The following PRKCE variants were observed in gnomAD, a reference collection of about 807,000 sequenced individuals.
PRKCE encodes protein kinase C epsilon.
PRKCE carries 16 observed loss-of-function variants against 85.4 expected under a neutral mutation model. The observed-to-expected ratio is 0.19, with a 90% confidence interval of 0.13 to 0.28. PRKCE has a LOEUF of 0.28. Among genes scored for constraint, PRKCE ranks in the 10% least tolerant of loss-of-function variants. PRKCE has a pLI of 1.00. For missense variants in PRKCE, 573 were observed against 975.2 expected (o/e 0.59, Z 5.49); for synonymous variants, 388 against 371.5 (o/e 1.04, Z -0.51).
intron 14 of PRKCE, among the ~76,000 whole-genome samples, chr2:46,179,342 C>G (rs1302560192): frequency 1.3e-5 from 2 of 152,090 alleles, no homozygotes; most frequent in African/African-American, 2.4e-5. Context: ...CGCTGCCTGC[C>G]TACCTCTGCC....
At chr2:46,122,156 G>A (rs1007945350) in intron 11 of PRKCE, among the ~76,000 whole-genome samples, 1 of 152,188 alleles carries the variant, frequency 6.6e-6, no homozygotes, top group Non-Finnish European at 1.5e-5. Flanking sequence ...TGCCCGGAGA[G>A]GTAGCCACCA....
At chr2:46,057,879 A>G (rs745773856) in intron 10 of PRKCE, among the ~76,000 whole-genome samples, 4 of 152,172 alleles carry the variant, frequency 2.6e-5, no homozygotes, top group Non-Finnish European at 5.9e-5. Flanking sequence ...TTGTGAAAAG[A>G]TCTGAGTATA....
intron 6 of PRKCE, among the ~76,000 whole-genome samples, chr2:46,000,730 T>C (rs2104722861): frequency 6.6e-6 from 1 of 152,344 alleles, no homozygotes; most frequent in South Asian, 2.1e-4. Context: ...CTCAGGCTTG[T>C]CTGCTCTGAG....
At chr2:45,773,510 G>GCA in intron 1 of PRKCE, among the ~76,000 whole-genome samples, 1 of 152,306 alleles carries the variant, frequency 6.6e-6, no homozygotes, top group East Asian at 1.9e-4. Flanking sequence ...AAGAGGTAGG[G>GCA]TTGAGATTCA....
chr2:45,817,757 A>G (rs1243525590), intron 1 of PRKCE, among the ~76,000 whole-genome samples: 1 of 152,212 alleles, frequency 6.6e-6, no homozygotes, highest in Non-Finnish European at 1.5e-5. Flanking sequence ...TGCTAGGTTC[A>G]GTGGCCTGTC....
chr2:46,081,507 C>A (rs1287660590), intron 10 of PRKCE, among the ~76,000 whole-genome samples: 2 of 152,092 alleles, frequency 1.3e-5, no homozygotes, highest in African/African-American at 4.8e-5. Flanking sequence ...ACAAATAAAA[C>A]CTCAGCTGTG....
chr2:45,822,235 A>G (rs1689591428), intron 1 of PRKCE, among the ~76,000 whole-genome samples: 1 of 152,234 alleles, frequency 6.6e-6, no homozygotes, highest in African/African-American at 2.4e-5. Context: ...CACCTCCAAA[A>G]GGGAGAATGG....
At chr2:45,702,579 G>A (rs1281099468) in intron 1 of PRKCE, among the ~76,000 whole-genome samples, 1 of 152,184 alleles carries the variant, frequency 6.6e-6, no homozygotes, top group African/African-American at 2.4e-5. Flanking sequence ...CAAGCATCCA[G>A]TTCTGTACCT....
At chr2:45,920,769 G>A (rs1009362852) in intron 2 of PRKCE, among the ~76,000 whole-genome samples, 12 of 152,284 alleles carry the variant, frequency 7.9e-5, no homozygotes, top group Admixed American at 6.5e-4. Context: ...AAAGAATAAG[G>A]AGTTACTTTT....
At chr2:46,028,164 A>G (rs914960379) in intron 10 of PRKCE, among the ~76,000 whole-genome samples, 1 of 151,662 alleles carries the variant, frequency 6.6e-6, no homozygotes, top group Non-Finnish European at 1.5e-5. Context: ...CCGGTCTCAA[A>G]CTCTTGACCT....
intron 1 of PRKCE, among the ~76,000 whole-genome samples, chr2:45,835,828 G>A (rs1690826247): frequency 1.3e-5 from 2 of 151,986 alleles, no homozygotes; most frequent in South Asian, 4.1e-4. Flanking sequence ...CTCCTGGCTT[G>A]AAGCGATCCT....
chr2:45,863,370 C>T lies in PRKCE; in HGVS notation c.412+20307C>T, dbSNP rs976808177. On this transcript the variant is annotated intron_variant, in intron 2 of 14. Coordinates refer to ENST00000306156, the MANE Select transcript of PRKCE (RefSeq NM_005400.3). ...CTTAAAATTTAGTCTTAGAGACAGGCTTGTCTGCAAACACAATACCAGGGT... is the reference window on the plus strand; with the variant it reads ...CTTAAAATTTAGTCTTAGAGACAGGTTTGTCTGCAAACACAATACCAGGGT... 2.0e-5 allele frequency among the ~76,000 whole-genome samples: 3 copies of T among 152,224 alleles called. No individual in the cohort carries two copies. In the East Asian group the frequency reaches 5.8e-4, roughly 29 times the overall value.
chr2:45,748,568 A>C (rs1266693761), intron 1 of PRKCE, among the ~76,000 whole-genome samples: 3 of 151,820 alleles, frequency 2.0e-5, no homozygotes, highest in Non-Finnish European at 2.9e-5. Flanking sequence ...CAAATACCTA[A>C]TGTCCCTTTA....
chr2:45,734,209 A>G (rs564034841), intron 1 of PRKCE, among the ~76,000 whole-genome samples: 4 of 152,304 alleles, frequency 2.6e-5, no homozygotes, highest in East Asian at 3.9e-4. Flanking sequence ...TACTAAAAAT[A>G]CAAAAATTAG....
chr2:45,735,004 C>T (rs927986323), intron 1 of PRKCE, among the ~76,000 whole-genome samples: 7 of 152,270 alleles, frequency 4.6e-5, no homozygotes, highest in African/African-American at 1.7e-4. Context: ...GCTTCTATCA[C>T]CCCTTCCACC....
intron 2 of PRKCE, among the ~76,000 whole-genome samples, chr2:45,967,879 G>T (rs558988454): frequency 2.6e-5 from 4 of 152,246 alleles, no homozygotes; most frequent in African/African-American, 9.6e-5. Flanking sequence ...GACAAAATTT[G>T]TCCAGTCTGC....
intron 1 of PRKCE, among the ~76,000 whole-genome samples, chr2:45,742,830 C>T (rs1295541145): frequency 1.3e-5 from 2 of 152,218 alleles, no homozygotes; most frequent in Admixed American, 1.3e-4. Flanking sequence ...AAAGAGAAAT[C>T]TGCACTTTCG....
intron 11 of PRKCE, among the ~76,000 whole-genome samples, chr2:46,123,064 A>G (rs1053920052): frequency 6.8e-5 from 10 of 147,794 alleles, no homozygotes; most frequent in African/African-American, 2.5e-4. Flanking sequence ...TGGCAATATT[A>G]CTGCCCAGGG....
chr2:45,973,532 C>T (rs1260035632), intron 2 of PRKCE, among the ~76,000 whole-genome samples: 1 of 152,102 alleles, frequency 6.6e-6, no homozygotes, highest in Non-Finnish European at 1.5e-5. Flanking sequence ...TAATAGAAAC[C>T]TTGGAGGAAG....
Sources: allele counts gnomAD v4.1 joint callset (sites outside exome capture counted in the v4.1 genomes callset), GRCh38; gene constraint gnomAD v4.1.1; transcripts MANE v1.5; gene names NCBI Gene and HGNC (gene_info 2026-07-23, HGNC 2026-07-21).